Variants in CDH4 observed in about 807,000 individuals in gnomAD.
The protein encoded by CDH4 is cadherin 4.
A neutral mutation model predicts 86.0 loss-of-function variants in CDH4; 33 were observed. The observed-to-expected ratio is 0.38, with a 90% CI of 0.29 to 0.51. The LOEUF is 0.51. Ranked by LOEUF, CDH4 falls within the 20% of genes least tolerant of loss-of-function variation. The probability of loss-of-function intolerance (pLI) is 0.86; values close to 1 mark genes in which losing one functional copy is unlikely to be tolerated. For synonymous variants in CDH4, 555 were observed against 549.4 expected (o/e 1.01, Z -0.14); for missense variants, 1,114 against 1,307.4 (o/e 0.85, Z 2.28).
chr20:61,378,771 A>C lies in CDH4; in HGVS notation c.169+123834A>C, dbSNP rs184577087. ...ATTCCATGTAGAAGGATGCTTTAGC[A>C]TAATTTTTAGAACTTTTTTTGGAAG... On this transcript the variant is annotated intron_variant, in intron 2 of 15. Coordinates refer to ENST00000614565, the MANE Select transcript of CDH4 (RefSeq NM_001794.5). Among the ~76,000 whole-genome samples, 4 of 152,364 alleles carry C rather than the reference A, an allele frequency of 2.6e-5. No individual in the cohort carries two copies. The East Asian group carries it at 7.7e-4, about 29-fold the overall frequency.
intron 4 of CDH4, among the ~76,000 whole-genome samples, chr20:61,802,430 CTG>C (rs1979876538): frequency 2.6e-5 from 4 of 152,346 alleles, no homozygotes; most frequent in Admixed American, 2.6e-4. Context: ...TGTGAGGAAA[CTG>C]AAGCTCCCCC....
intron 9 of CDH4, among the ~76,000 whole-genome samples, chr20:61,920,836 G>GTGATTACATGGAAAC (rs1349571178): frequency 1.6e-4 from 2 of 12,232 alleles, no homozygotes; most frequent in Non-Finnish European, 2.0e-3. Context: ...ATGGAAACGT[G>GTGATTACATGGAAAC]GTGTGATTGC....
intron 2 of CDH4, among the ~76,000 whole-genome samples, chr20:61,451,590 G>A (rs1391815623): frequency 6.6e-6 from 1 of 152,154 alleles, no homozygotes; most frequent in East Asian, 1.9e-4. Flanking sequence ...CTGGGTAAAG[G>A]GAAGATCGCC....
At chr20:61,769,883 A>G (rs1374950013) in intron 3 of CDH4, among the ~76,000 whole-genome samples, 1 of 152,170 alleles carries the variant, frequency 6.6e-6, no homozygotes, top group African/African-American at 2.4e-5. Context: ...ATAAATTGTC[A>G]TATCCCCAAG....
chr20:61,446,220 T>C (rs1302425574), intron 2 of CDH4, among the ~76,000 whole-genome samples: 3 of 152,234 alleles, frequency 2.0e-5, no homozygotes, highest in Non-Finnish European at 4.4e-5. Flanking sequence ...AATACATTTA[T>C]TAGACCAAGG....
At chr20:61,541,099 G>A (rs1371919787) in intron 2 of CDH4, among the ~76,000 whole-genome samples, 1 of 152,172 alleles carries the variant, frequency 6.6e-6, no homozygotes, top group Non-Finnish European at 1.5e-5. Flanking sequence ...ACTTCCAGAA[G>A]GGAGCTGTTC....
At position 61,703,056 on chromosome 20, in the gene CDH4, G is replaced by C; in HGVS notation, c.170-40507G>C. ...GTGGTCAGTGCCATGTTTTCGGGTA[G>C]AGCAATGAACATAAAGGATGTCATC... On this transcript the variant is annotated intron_variant, in intron 2 of 15. Transcript: ENST00000614565. The surrounding 1 kb of genome is among the most constrained non-coding windows in gnomAD (Gnocchi z 4.3). 6.6e-6 allele frequency among the ~76,000 whole-genome samples: 1 copy of C among 152,198 alleles called. No homozygotes were observed. The highest frequency in any genetic ancestry group is 2.1e-4 in the South Asian group (1 of 4,826).
At chr20:61,401,359 C>G (rs1254887983) in intron 2 of CDH4, among the ~76,000 whole-genome samples, 2 of 150,498 alleles carry the variant, frequency 1.3e-5, no homozygotes, top group South Asian at 2.1e-4. Flanking sequence ...GTGCGTTGAA[C>G]TATGCAGAAA....
Position 61,552,135 on chromosome 20 carries a change from T to G in CDH4, c.170-191428T>G, listed in dbSNP as rs1255217226. 2.6e-5 allele frequency among the ~76,000 whole-genome samples: 4 copies of G among 152,262 alleles called. No individual in the cohort carries two copies. In the South Asian group the frequency reaches 8.3e-4, roughly 32 times the overall value. ...GCAAAAAATAAATAAACAGTGGACTTCCTCACAATTAAAAATGTCTGTGTT... is the reference window on the plus strand; with the variant it reads ...GCAAAAAATAAATAAACAGTGGACTGCCTCACAATTAAAAATGTCTGTGTT... On this transcript the variant is annotated intron_variant, in intron 2 of 15. Transcript: ENST00000614565.
intron 6 of CDH4, among the ~76,000 whole-genome samples, chr20:61,873,066 T>C (rs1983874836): frequency 6.6e-6 from 1 of 152,164 alleles, no homozygotes; most frequent in African/African-American, 2.4e-5. Context: ...CCCCAATGTG[T>C]GCATGGGGAA....
intron 2 of CDH4, among the ~76,000 whole-genome samples, chr20:61,358,661 G>GT (rs992099200): frequency 2.4e-4 from 36 of 152,316 alleles, no homozygotes; most frequent in African/African-American, 8.2e-4. Flanking sequence ...CCCTTCCCTG[G>GT]TTTTCTATTG....
intron 2 of CDH4, among the ~76,000 whole-genome samples, chr20:61,602,713 A>AAAAAAAAC (rs2086611699): frequency 6.6e-6 from 1 of 150,916 alleles, no homozygotes; most frequent in Admixed American, 6.6e-5. Flanking sequence ...AAAAAAAAAA[A>AAAAAAAAC]AAAAAAACTT....
At chr20:61,441,291 G>A (rs537811070) in intron 2 of CDH4, among the ~76,000 whole-genome samples, 33 of 152,328 alleles carry the variant, frequency 2.2e-4, no homozygotes, top group South Asian at 1.4e-3. Context: ...GAAAGGAAGC[G>A]GAAGGAGCAT....
In CDH4 at chr20:61,566,870, C is replaced by T. The variant is rs150993919; in HGVS notation, c.170-176693C>T. Among the ~76,000 whole-genome samples, 682 of 152,102 alleles carry T rather than the reference C, an allele frequency of 4.5e-3. 2 individuals are homozygous for T. The highest frequency in any genetic ancestry group is 0.015 in the African/African-American group (631 of 41,522). ...GTTCTGGGTTTGCGCGGGAGGCTGC[C>T]GATGGCACGCGGCTCACAGATAATG... On this transcript the variant is annotated intron_variant, in intron 2 of 15. Transcript: ENST00000614565.
At chr20:61,561,704 A>G (rs1042407003) in intron 2 of CDH4, among the ~76,000 whole-genome samples, 2 of 152,230 alleles carry the variant, frequency 1.3e-5, no homozygotes, top group African/African-American at 4.8e-5. Flanking sequence ...CTTTTGTGCT[A>G]TGAAGGCAGA....
chr20:61,395,450 T>C (rs1176907575), intron 2 of CDH4, among the ~76,000 whole-genome samples: 1 of 152,188 alleles, frequency 6.6e-6, no homozygotes, highest in East Asian at 1.9e-4. Flanking sequence ...ATAACGTATA[T>C]GATATACCAT....
chr20:61,416,527 T>C (rs2085148010), intron 2 of CDH4, among the ~76,000 whole-genome samples: 1 of 152,342 alleles, frequency 6.6e-6, no homozygotes, highest in Middle Eastern at 3.4e-3. Flanking sequence ...TGGTATGCAA[T>C]CAGTTTCGTG....
chr20:61,565,089 CTCTTGGTGGTGCTCTTGGTGGTGCTGGTG>C lies in CDH4; in HGVS notation c.170-178473_170-178445del, dbSNP rs1568687999. ...GGTGGTGGTGGTGGTGGTGGTGGTG[CTCTTGGTGGTGCTCTTGGTGGTGCTGGTG>C]CTCTTGGTGGTGCTGGTCCTCTTGG... is the stretch of plus-strand genomic sequence containing the variant. On this transcript the variant is annotated intron_variant, in intron 2 of 15. Coordinates refer to ENST00000614565, the MANE Select transcript of CDH4 (RefSeq NM_001794.5). Among the ~76,000 whole-genome samples, 131 of 64,940 alleles carry C rather than the reference CTCTTGGTGGTGCTCTTGGTGGTGCTGGTG, an allele frequency of 2.0e-3. 1 individual carries two copies. The highest frequency in any genetic ancestry group is 3.1e-3 in the Non-Finnish European group (102 of 32,784). 42.6% of individuals were successfully genotyped at this position (64,940 alleles called of 152,430 possible). A position where few individuals can be genotyped will look rare whatever the true frequency, so the allele number is the denominator to read the frequency against.
chr20:61,608,269 T>C (rs960808765), intron 2 of CDH4, among the ~76,000 whole-genome samples: 1 of 152,136 alleles, frequency 6.6e-6, no homozygotes, highest in African/African-American at 2.4e-5. Context: ...GCCACGCAGG[T>C]TGGCAGGGAA....
Sources: gnomAD v4.1 joint callset for allele counts (sites outside exome capture counted in the v4.1 genomes callset) on GRCh38, gnomAD v4.1.1 for gene constraint, Gnocchi (gnomAD v3.1) non-coding constraint, MANE v1.5 for transcripts, NCBI Gene and HGNC (gene_info 2026-07-23, HGNC 2026-07-21) for gene names.